HS3ST4: variants seen among roughly 807,000 people sequenced by gnomAD.
The protein encoded by HS3ST4 is heparan sulfate glucosamine 3-O-sulfotransferase 4.
HS3ST4 carries 17 observed loss-of-function variants against 29.2 expected under a neutral mutation model. The observed-to-expected ratio is 0.58, with a 90% CI of 0.40 to 0.87. HS3ST4 has a LOEUF of 0.87. Among genes scored for constraint, HS3ST4 ranks in the 40% least tolerant of loss-of-function variants. The pLI, the probability that HS3ST4 is intolerant of heterozygous loss-of-function variation, is 0.00. For synonymous variants in HS3ST4, 314 were observed against 285.7 expected (o/e 1.10, Z -1.00); for missense variants, 627 against 634.5 (o/e 0.99, Z 0.13).
intron 1 of HS3ST4, among the ~76,000 whole-genome samples, chr16:25,999,147 G>A (rs971938310): frequency 6.6e-5 from 10 of 152,090 alleles, no homozygotes; most frequent in Non-Finnish European, 1.3e-4. Context: ...AAATTGAGCA[G>A]TATTCTTAGA....
intron 1 of HS3ST4, among the ~76,000 whole-genome samples, chr16:25,975,756 CA>C (rs1968937832): frequency 6.6e-6 from 1 of 152,154 alleles, no homozygotes. Flanking sequence ...ACTTCTCTGT[CA>C]AATCTCTTCA....
chr16:26,032,042 C>T (rs1050260463), intron 1 of HS3ST4, among the ~76,000 whole-genome samples: 1 of 152,080 alleles, frequency 6.6e-6, no homozygotes, highest in African/African-American at 2.4e-5. Flanking sequence ...AGAAATGGAA[C>T]CACTGCTCTT....
At chr16:25,864,127 ACC>A (rs1334990649) in intron 1 of HS3ST4, among the ~76,000 whole-genome samples, 1 of 152,188 alleles carries the variant, frequency 6.6e-6, no homozygotes, top group Non-Finnish European at 1.5e-5. Flanking sequence ...GCTAGGGCCC[ACC>A]CTAATGGCTC....
At chr16:25,909,479 G>A (rs1968214831) in intron 1 of HS3ST4, among the ~76,000 whole-genome samples, 1 of 152,172 alleles carries the variant, frequency 6.6e-6, no homozygotes, top group South Asian at 2.1e-4. Context: ...GCCCCGATGA[G>A]ATTCTGCATT....
At chr16:26,021,474 G>A (rs945031141) in intron 1 of HS3ST4, among the ~76,000 whole-genome samples, 1 of 152,098 alleles carries the variant, frequency 6.6e-6, no homozygotes, top group Non-Finnish European at 1.5e-5. Flanking sequence ...ATTTGAGGTA[G>A]CAATTACTGC....
intron 1 of HS3ST4, among the ~76,000 whole-genome samples, chr16:25,828,297 T>C (rs202042175): frequency 3.9e-3 from 273 of 69,322 alleles, no homozygotes; most frequent in South Asian, 5.7e-3. Context: ...TCTTTCTTTC[T>C]TTCCCTCTCT....
chr16:25,718,425 C>T (rs1416342300), intron 1 of HS3ST4, among the ~76,000 whole-genome samples: 1 of 151,924 alleles, frequency 6.6e-6, no homozygotes, highest in Non-Finnish European at 1.5e-5. Flanking sequence ...GTCGGAGCTG[C>T]TTTCTGGTCA....
intron 1 of HS3ST4, among the ~76,000 whole-genome samples, chr16:25,919,402 A>T (rs987160213): frequency 6.6e-6 from 1 of 152,218 alleles, no homozygotes; most frequent in Non-Finnish European, 1.5e-5. Flanking sequence ...GGGGGAAAAC[A>T]TCAAGAATCC....
rs994566059 is a variant in HS3ST4, at chr16:26,015,511, A to G, written c.735-120101A>G. On this transcript the variant is annotated intron_variant, in intron 1 of 1. Coordinates refer to ENST00000331351, the MANE Select transcript of HS3ST4 (RefSeq NM_006040.3). ...TTTATTGGGACTTTTATTGGAGTCAATAACTTAATCATGACTGATTGAATT... is the reference window on the plus strand; with the variant it reads ...TTTATTGGGACTTTTATTGGAGTCAGTAACTTAATCATGACTGATTGAATT... 5.3e-5 allele frequency among the ~76,000 whole-genome samples: 8 copies of G among 152,308 alleles called. No individual in the cohort carries two copies. The East Asian group carries it at 5.8e-4, about 11-fold the overall frequency.
intron 1 of HS3ST4, among the ~76,000 whole-genome samples, chr16:26,040,147 T>G (rs1969622578): frequency 6.6e-6 from 1 of 152,194 alleles, no homozygotes; most frequent in Admixed American, 6.5e-5. Flanking sequence ...AATATCTCAT[T>G]TAAGTTTTAT....
intron 1 of HS3ST4, among the ~76,000 whole-genome samples, chr16:25,939,985 A>G (rs1185748303): frequency 6.6e-6 from 1 of 152,154 alleles, no homozygotes. Flanking sequence ...GTGGGATGGT[A>G]GGTAGGTAAT....
intron 1 of HS3ST4, among the ~76,000 whole-genome samples, chr16:26,125,803 C>T (rs76464018): frequency 0.085 from 12,963 of 152,204 alleles, 630 homozygotes; most frequent in Middle Eastern, 0.13. Context: ...CACAGGCATC[C>T]TCAGTTTTCT....
chr16:25,817,261 C>T (rs568765358), intron 1 of HS3ST4, among the ~76,000 whole-genome samples: 6 of 130,764 alleles, frequency 4.6e-5, no homozygotes, highest in South Asian at 2.4e-4. Context: ...TGGACTGGCA[C>T]GTATGTAAAT....
Position 26,028,272 on chromosome 16 carries a change from C to CAAA in HS3ST4, c.735-107319_735-107317dup, listed in dbSNP as rs57920476. On this transcript the variant is annotated intron_variant, in intron 1 of 1. Coordinates refer to ENST00000331351, the MANE Select transcript of HS3ST4 (RefSeq NM_006040.3). Reference sequence around the variant, plus strand: ...TGGGTGACAGAGTGAGACACCGTCTCAAAAAAAAAAAAAAAAAAAAAAAGA... The same window carrying CAAA: ...TGGGTGACAGAGTGAGACACCGTCTCAAAAAAAAAAAAAAAAAAAAAAAAAAGA... Among the ~76,000 whole-genome samples the CAAA allele has an allele frequency of 2.8e-3, 134 of 48,500 alleles. 1 individual carries two copies. The highest frequency in any genetic ancestry group is 9.8e-3 in the Middle Eastern group (1 of 102). The allele number at this position is 48,500 out of a possible 152,430, so 31.8% of individuals were successfully genotyped here.
At position 25,722,784 on chromosome 16, in the gene HS3ST4, A is replaced by G. The variant is rs1210684709; in HGVS notation, c.734+29633A>G. ...TATGTGACTCAGTTTGCTTATCAGT[A>G]AAATGGAACTACTAATAGCAGGACT... On this transcript the variant is annotated intron_variant, in intron 1 of 1. Transcript: ENST00000331351. Among the ~76,000 whole-genome samples, 3 of 152,204 alleles carry G rather than the reference A, an allele frequency of 2.0e-5. No individual in the cohort carries two copies. The South Asian group carries it at 6.2e-4, about 32-fold the overall frequency.
intron 1 of HS3ST4, among the ~76,000 whole-genome samples, chr16:25,930,432 A>G (rs1567274819): frequency 6.6e-6 from 1 of 152,246 alleles, no homozygotes; most frequent in Non-Finnish European, 1.5e-5. Flanking sequence ...AGATGGGGAA[A>G]TGTTAATCTC....
intron 1 of HS3ST4, among the ~76,000 whole-genome samples, chr16:26,112,254 G>GTGTA (rs1878525254): frequency 3.4e-5 from 1 of 29,418 alleles, no homozygotes; most frequent in Non-Finnish European, 1.0e-4. Context: ...GTGTGTATGT[G>GTGTA]TGTGTGTGTG....
chr16:26,078,190 G>A (rs1056850774), intron 1 of HS3ST4, among the ~76,000 whole-genome samples: 1 of 152,128 alleles, frequency 6.6e-6, no homozygotes, highest in South Asian at 2.1e-4. Context: ...CCTCAGGCTG[G>A]AGTGCAGTGG....
At chr16:26,005,402 C>T (rs573441296) in intron 1 of HS3ST4, among the ~76,000 whole-genome samples, 3 of 152,120 alleles carry the variant, frequency 2.0e-5, no homozygotes, top group Non-Finnish European at 4.4e-5. Context: ...GGGAGATAAG[C>T]AGCCTTAGAG....
Sources: allele counts gnomAD v4.1 joint callset (sites outside exome capture counted in the v4.1 genomes callset), GRCh38; gene constraint gnomAD v4.1.1; transcripts MANE v1.5; gene names NCBI Gene and HGNC (gene_info 2026-07-23, HGNC 2026-07-21).